The following SORCS2 variants were observed in gnomAD, a reference collection of about 807,000 sequenced individuals.
SORCS2 encodes the protein VPS10 domain-containing receptor SorCS2.
A neutral mutation model predicts 141.6 loss-of-function variants in SORCS2; 100 were observed. The ratio of observed to expected loss-of-function variants is 0.71; its 90% CI spans 0.60 to 0.83. The LOEUF is 0.83. Among genes scored for constraint, SORCS2 ranks in the 40% least tolerant of loss-of-function variants. The pLI, the probability that SORCS2 is intolerant of heterozygous loss-of-function variation, is 0.00. For synonymous variants in SORCS2, 789 were observed against 676.9 expected (o/e 1.17, Z -2.57); for missense variants, 1,646 against 1,560.2 (o/e 1.05, Z -0.93).
intron 2 of SORCS2, among the ~76,000 whole-genome samples, chr4:7,422,277 G>A (rs561255314): frequency 2.7e-5 from 4 of 150,818 alleles, no homozygotes; most frequent in South Asian, 2.1e-4. Context: ...CAGCCTCCTC[G>A]GGCCATGCCG....
At position 7,741,431 on chromosome 4, in the gene SORCS2, T is replaced by C; in HGVS notation, c.*1167T>C. Reference sequence around the variant, plus strand: ...CTAGAATCAGGGATGTTAGTGTAAGTCTATAGGAATATAGGGGGGTGGGGG... The same window carrying C: ...CTAGAATCAGGGATGTTAGTGTAAGCCTATAGGAATATAGGGGGGTGGGGG... On this transcript the variant is annotated 3_prime_UTR_variant, in exon 27 of 27. Transcript: ENST00000507866. 1.4e-5 allele frequency: 2 copies of C among 145,266 alleles called. No individual in the cohort carries two copies. Among genetic ancestry groups the C allele is most frequent in the Non-Finnish European group, 2.6e-5 (2 of 76,576 alleles). The allele number at this position is 145,266 out of a possible 1,614,324, so 9.0% of individuals were successfully genotyped here.
At chr4:7,725,369 GT>G in intron 20 of SORCS2, 82 bp downstream of exon 20, 1 of 1,503,618 alleles carries the variant, frequency 6.7e-7, no homozygotes, top group Non-Finnish European at 8.9e-7. Context: ...ATGGCCCCAG[GT>G]TTTCAGCAGA....
At chr4:7,706,080 T>TGTCTGGGCAGGGATGAGGCTG (rs1725425215) in intron 14 of SORCS2, among the ~76,000 whole-genome samples, 1 of 64,710 alleles carries the variant, frequency 1.5e-5, no homozygotes, top group Non-Finnish European at 3.4e-5. Context: ...GGCTGGGCTC[T>TGTCTGGGCAGGGATGAGGCTG]GCCTGGACAG....
At position 7,461,910 on chromosome 4, in the gene SORCS2, GCTTCAGTGCCTC is replaced by G. The variant is rs1286829828; in HGVS notation, c.548+65556_548+65567del. ...ACACCTGGGAGGTGCTGTCCCGCAG[GCTTCAGTGCCTC>G]TGCTGTCCTGCAGGCTTCAGTGCCT... On this transcript the variant is annotated intron_variant, in intron 2 of 26. Coordinates refer to ENST00000507866, the MANE Select transcript of SORCS2 (RefSeq NM_020777.3). Among the ~76,000 whole-genome samples, 394 of 102,326 alleles carry G rather than the reference GCTTCAGTGCCTC, an allele frequency of 3.9e-3. 4 individuals are homozygous for G. Among genetic ancestry groups the G allele is most frequent in the African/African-American group, 0.015 (377 of 24,746 alleles). 67.1% of individuals were successfully genotyped at this position (102,326 alleles called of 152,430 possible). A position where few individuals can be genotyped will look rare whatever the true frequency, so the allele number is the denominator to read the frequency against.
chr4:7,491,021 C>T (rs1731285229), intron 2 of SORCS2, among the ~76,000 whole-genome samples: 1 of 152,204 alleles, frequency 6.6e-6, no homozygotes, highest in Non-Finnish European at 1.5e-5. Flanking sequence ...GCCCTGCCGC[C>T]CTTCCTGTGG....
rs113105791 is a variant in SORCS2, at chr4:7,619,175, G to A, written c.649-19153G>A. 6.3e-3 allele frequency among the ~76,000 whole-genome samples: 965 copies of A among 152,280 alleles called. 13 individuals are homozygous for A. The highest frequency in any genetic ancestry group is 0.022 in the African/African-American group (926 of 41,560). On this transcript the variant is annotated intron_variant, in intron 3 of 26. Transcript: ENST00000507866. ...TACGAGGGTTCATGAGACAAGATGCGTGTGCCACTCGGCACCTGGCTAATA... is the reference window on the plus strand; with the variant it reads ...TACGAGGGTTCATGAGACAAGATGCATGTGCCACTCGGCACCTGGCTAATA...
chr4:7,688,792 G>A (rs1024730193), intron 10 of SORCS2, among the ~76,000 whole-genome samples: 5 of 152,124 alleles, frequency 3.3e-5, no homozygotes, highest in Non-Finnish European at 5.9e-5. Context: ...GTCTCTCGTG[G>A]TGCACCCAAG....
chr4:7,270,783 G>C (rs2108841342), intron 1 of SORCS2, among the ~76,000 whole-genome samples: 1 of 152,318 alleles, frequency 6.6e-6, no homozygotes, highest in South Asian at 2.1e-4. Context: ...AGGACTTAAA[G>C]AACATCAAGG....
chr4:7,216,009 G>C (rs1476704644), intron 1 of SORCS2, among the ~76,000 whole-genome samples: 1 of 151,898 alleles, frequency 6.6e-6, no homozygotes, highest in African/African-American at 2.4e-5. Flanking sequence ...TTGTTCTTTC[G>C]CTCTTTGCAA....
rs927434780 is a variant in SORCS2 at position 7,741,628 on chromosome 4, T to G, written c.*1364T>G. 2.3e-5 allele frequency: 4 copies of G among 175,200 alleles called. No homozygotes were observed. The East Asian group carries it at 5.1e-4, about 22-fold the overall frequency. The allele number at this position is 175,200 out of a possible 1,614,324, so 10.9% of individuals were successfully genotyped here. A position where few individuals can be genotyped will look rare whatever the true frequency, so the allele number is the denominator to read the frequency against. ...GGGGGTGAATCCCAATGAGGGTCCCTCTCAGAGCGGGAGAACGCCAGAGCC... is the reference window on the plus strand; with the variant it reads ...GGGGGTGAATCCCAATGAGGGTCCCGCTCAGAGCGGGAGAACGCCAGAGCC... On this transcript the variant is annotated 3_prime_UTR_variant, in exon 27 of 27. Transcript: ENST00000507866.
intron 3 of SORCS2, among the ~76,000 whole-genome samples, chr4:7,560,518 GA>G (rs1714458367): frequency 6.6e-6 from 1 of 152,148 alleles, no homozygotes; most frequent in African/African-American, 2.4e-5. Flanking sequence ...CCATGTGGAA[GA>G]GCATAGGAGA....
At chr4:7,386,640 C>T (rs1160518057) in intron 1 of SORCS2, among the ~76,000 whole-genome samples, 4 of 151,148 alleles carry the variant, frequency 2.6e-5, no homozygotes, top group African/African-American at 9.8e-5. Context: ...CACATGCACA[C>T]ACAGATACAC....
At chr4:7,228,243 C>A (rs995178763) in intron 1 of SORCS2, among the ~76,000 whole-genome samples, 1 of 152,176 alleles carries the variant, frequency 6.6e-6, no homozygotes. Context: ...GTGAAGATAC[C>A]AGTCACGTTG....
rs911180069 is a variant in SORCS2, at chr4:7,661,364, G to A, written c.888-136G>A. Reference sequence around the variant, plus strand: ...GGAGCAGGTGGGGTCCTGGGGTGGTGATGCCCTCCGGACCCACAGAGCAAG... The same window carrying A: ...GGAGCAGGTGGGGTCCTGGGGTGGTAATGCCCTCCGGACCCACAGAGCAAG... On this transcript the variant is annotated intron_variant, in intron 5 of 26. Transcript: ENST00000507866. 8 of 818,618 alleles carry A rather than the reference G, an allele frequency of 9.8e-6. No individual in the cohort carries two copies. The African/African-American group carries it at 1.2e-4, about 12-fold the overall frequency. 50.7% of individuals were successfully genotyped at this position (818,618 alleles called of 1,614,324 possible).
chr4:7,509,784 G>A (rs1163470412), intron 2 of SORCS2, among the ~76,000 whole-genome samples: 1 of 152,194 alleles, frequency 6.6e-6, no homozygotes, highest in Non-Finnish European at 1.5e-5. Context: ...CCGGGGCTGT[G>A]TTCTGGGGCT....
intron 1 of SORCS2, among the ~76,000 whole-genome samples, chr4:7,334,755 G>A (rs1577412302): frequency 1.3e-5 from 2 of 152,278 alleles, no homozygotes; most frequent in East Asian, 3.9e-4. Context: ...CACGGACAAA[G>A]TGCCTGGGCC....
rs542450766 is a variant in SORCS2, at chr4:7,314,793, CTG to C, written c.481-81493_481-81492del. Among the ~76,000 whole-genome samples the C allele has an allele frequency of 4.1e-4, 58 of 141,702 alleles. 1 individual carries two copies. The South Asian group carries it at 0.01, about 25-fold the overall frequency. 93.0% of individuals were successfully genotyped at this position (141,702 alleles called of 152,430 possible). A position where few individuals can be genotyped will look rare whatever the true frequency, so the allele number is the denominator to read the frequency against. Reference sequence around the variant, plus strand: ...AGCCGGGCTCCCAGGAGCCTGCCCACTGTTCTGTTTTTTTTTTTTTTTTTTTT... The same window carrying C: ...AGCCGGGCTCCCAGGAGCCTGCCCACTTCTGTTTTTTTTTTTTTTTTTTTT... On this transcript the variant is annotated intron_variant, in intron 1 of 26. Transcript: ENST00000507866.
chr4:7,568,093 T>C (rs1311067180), intron 3 of SORCS2, among the ~76,000 whole-genome samples: 1 of 152,232 alleles, frequency 6.6e-6, no homozygotes, highest in African/African-American at 2.4e-5. Context: ...GAGCTCTGAC[T>C]GCTTTTATTG....
chr4:7,717,493 A>T (rs1249274917), intron 17 of SORCS2, among the ~76,000 whole-genome samples: 1 of 152,204 alleles, frequency 6.6e-6, no homozygotes, highest in African/African-American at 2.4e-5. Flanking sequence ...TCATGAACGC[A>T]GTGATTAGTC....
Sources: gnomAD v4.1 joint callset for allele counts (sites outside exome capture counted in the v4.1 genomes callset) on GRCh38, gnomAD v4.1.1 for gene constraint, MANE v1.5 for transcripts, NCBI Gene and HGNC (gene_info 2026-07-23, HGNC 2026-07-21) for gene names.